VPS26B: variants seen among roughly 807,000 people sequenced by gnomAD.
VPS26B encodes the protein VPS26 retromer complex component B.
A neutral mutation model predicts 33.3 loss-of-function variants in VPS26B; 10 were observed. The ratio of observed to expected loss-of-function variants is 0.30; its 90% CI spans 0.19 to 0.51. VPS26B has a LOEUF of 0.51. Ranked by LOEUF, VPS26B falls within the 20% of genes least tolerant of loss-of-function variation. VPS26B has a pLI of 0.98. For synonymous variants in VPS26B, 190 were observed against 176.9 expected (o/e 1.07, Z -0.59); for missense variants, 317 against 452.7 (o/e 0.70, Z 2.72).
chr11:134,241,660 C>T (rs1283693880), intron 3 of VPS26B, among the ~76,000 whole-genome samples: 1 of 152,226 alleles, frequency 6.6e-6, no homozygotes, highest in African/African-American at 2.4e-5. Flanking sequence ...TCAAAGCAGC[C>T]ACTGGTCATC....
chr11:134,231,881 C>G (rs954496805), intron 1 of VPS26B, among the ~76,000 whole-genome samples: 13 of 152,184 alleles, frequency 8.5e-5, no homozygotes, highest in Non-Finnish European at 1.8e-4. Context: ...TCTTTTTATG[C>G]TTTGCTGACT....
intron 2 of VPS26B, among the ~76,000 whole-genome samples, chr11:134,237,396 A>G (rs1384423886): frequency 6.6e-6 from 1 of 152,236 alleles, no homozygotes; most frequent in Non-Finnish European, 1.5e-5. Context: ...GAGGGCTATC[A>G]GGAGGAAGAA....
Position 134,245,130 on chromosome 11 carries a change from G to C in VPS26B, c.864+50G>C. The C allele has an allele frequency of 6.3e-7, 1 of 1,595,300 alleles. No individual in the cohort carries two copies. The highest frequency in any genetic ancestry group is 8.5e-7 in the Non-Finnish European group (1 of 1,172,502). ...CCGATGCCCTTGGGACAGAACAGGA[G>C]GCTCTCTTTCCTATGGAAGGTCAGA... is the stretch of plus-strand genomic sequence containing the variant. On this transcript the variant is annotated intron_variant, in intron 5 of 5. Transcript: ENST00000281187. This position sits in a 1 kb window ranked among gnomAD's most constrained non-coding sequence, Gnocchi z 4.7.
Position 134,243,217 on chromosome 11 carries a change from C to A in VPS26B, c.644C>A (p.Thr215Lys), listed in dbSNP as rs772426075. 6.2e-7 allele frequency: 1 copy of A among 1,614,044 alleles called. No homozygotes were observed. The highest frequency in any genetic ancestry group is 8.5e-7 in the Non-Finnish European group (1 of 1,180,026). The change falls in exon 4 of 6, where the codon ACG (threonine) becomes AAG (lysine). Residue 215 changes from threonine (T) to lysine (K), a missense_variant. Physicochemically the swap from Thr to Lys is moderately conservative, Grantham distance 78. Coordinates refer to ENST00000281187, the MANE Select transcript of VPS26B (RefSeq NM_052875.5). Reference protein sequence around the residue: ...MEIDIIKRETTGTGPNVYHEN... With the variant: ...MEIDIIKRETKGTGPNVYHEN... Reference sequence around the variant, plus strand: ...ATAGACATCATCAAGCGAGAAACGACGGGTACAGGCCCCAACGTGTACCAT... The same window carrying A: ...ATAGACATCATCAAGCGAGAAACGAAGGGTACAGGCCCCAACGTGTACCAT...
rs1938789476 is a variant in VPS26B at position 134,245,093 on chromosome 11, C to A, written c.864+13C>A. 4.3e-6 allele frequency: 7 copies of A among 1,613,554 alleles called. No individual in the cohort carries two copies. The highest frequency in any genetic ancestry group is 5.9e-6 in the Non-Finnish European group (7 of 1,179,838). ...CTTCAAGCAGCAGGTGAGGGCCAGGCTCCTCCAGGCCCCGATGCCCTTGGG... is the reference window on the plus strand; with the variant it reads ...CTTCAAGCAGCAGGTGAGGGCCAGGATCCTCCAGGCCCCGATGCCCTTGGG... On this transcript the variant is annotated intron_variant, in intron 5 of 5. Coordinates refer to ENST00000281187, the MANE Select transcript of VPS26B (RefSeq NM_052875.5). This position sits in a 1 kb window ranked among gnomAD's most constrained non-coding sequence, Gnocchi z 4.7.
chr11:134,245,481 A>C lies in VPS26B; in HGVS notation c.902A>C (p.Lys301Thr). The C allele has an allele frequency of 6.2e-7, 1 of 1,614,014 alleles. No homozygotes were observed. Among genetic ancestry groups the C allele is most frequent in the Non-Finnish European group, 8.5e-7 (1 of 1,179,908 alleles). Residue 301 changes from lysine (K) to threonine (T), a missense_variant, in exon 6 of 6, where the codon AAG becomes ACG. Coordinates refer to ENST00000281187, the MANE Select transcript of VPS26B (RefSeq NM_052875.5). The surrounding 1 kb of genome is among the most constrained non-coding windows in gnomAD (Gnocchi z 4.7). ...VLWRKGDIVRKSMSHQAAIAS... is the reference protein window; with the variant it reads ...VLWRKGDIVRTSMSHQAAIAS... ...TGGCGGAAGGGTGACATCGTACGGAAGAGCATGTCCCACCAGGCGGCCATC... is the reference window on the plus strand; with the variant it reads ...TGGCGGAAGGGTGACATCGTACGGACGAGCATGTCCCACCAGGCGGCCATC...
rs955771997 is a variant in VPS26B at position 134,246,632 on chromosome 11, G to A, written c.*1042G>A. On this transcript the variant is annotated 3_prime_UTR_variant, in exon 6 of 6. Transcript: ENST00000281187. The stretch of plus-strand genomic sequence containing the variant: ...CTATAGGTTACACAGGGGAGACCAG[G>A]GCCTCGGCAGAAGACTGCTGCCACA... The A allele has an allele frequency of 6.6e-6, 1 of 152,292 alleles. No individual in the cohort carries two copies. The highest frequency in any genetic ancestry group is 2.4e-5 in the African/African-American group (1 of 41,312). 9.4% of individuals were successfully genotyped at this position (152,292 alleles called of 1,614,324 possible). A position where few individuals can be genotyped will look rare whatever the true frequency, so the allele number is the denominator to read the frequency against.
At chr11:134,239,632 A>G in intron 2 of VPS26B, 1 of 268,508 alleles carries the variant, frequency 3.7e-6, no homozygotes. Context: ...GTACACAAAT[A>G]CATGGTCAGT....
In VPS26B at chr11:134,245,657, G is replaced by A; in HGVS notation, c.*67G>A. On this transcript the variant is annotated 3_prime_UTR_variant, in exon 6 of 6. Coordinates refer to ENST00000281187, the MANE Select transcript of VPS26B (RefSeq NM_052875.5). This position sits in a 1 kb window ranked among gnomAD's most constrained non-coding sequence, Gnocchi z 4.7. ...CCCATCTACCAACACCAGCGGCTGG[G>A]GGCGGGGGCGGACCTTGTGAGGCTC... The A allele has an allele frequency of 6.6e-7, 1 of 1,513,508 alleles. No individual in the cohort carries two copies. Among genetic ancestry groups the A allele is most frequent in the Non-Finnish European group, 8.9e-7 (1 of 1,129,174 alleles). The allele number at this position is 1,513,508 out of a possible 1,614,324, so 93.8% of individuals were successfully genotyped here.
intron 1 of VPS26B, among the ~76,000 whole-genome samples, chr11:134,230,808 G>T (rs548672698): frequency 6.6e-6 from 1 of 152,210 alleles, no homozygotes; most frequent in East Asian, 1.9e-4. Flanking sequence ...TGTGGTGGAC[G>T]TTTTTCTGTT....
rs146620670 is a variant in VPS26B at position 134,245,025 on chromosome 11, A to C, written c.809A>C (p.Tyr270Ser). The stretch of plus-strand genomic sequence containing the variant: ...ATCAACAAGAAGTTCTCTGTGCGCT[A>C]TTACCTCAACCTGGTGCTGATAGAC... ...RDINKKFSVR[Y>S]YLNLVLIDEE... The change falls in exon 5 of 6, where the codon TAT becomes TCT. Residue 270 changes from tyrosine to serine, a missense_variant. By Grantham distance (144) the Tyr-to-Ser change is moderately radical (BLOSUM62 -2). Coordinates refer to ENST00000281187, the MANE Select transcript of VPS26B (RefSeq NM_052875.5). This position sits in a 1 kb window ranked among gnomAD's most constrained non-coding sequence, Gnocchi z 4.7. 1.9e-6 allele frequency: 3 copies of C among 1,614,140 alleles called. No individual in the cohort carries two copies. The highest frequency in any genetic ancestry group is 2.5e-6 in the Non-Finnish European group (3 of 1,180,030).
intron 1 of VPS26B, among the ~76,000 whole-genome samples, chr11:134,228,035 AT>A (rs1305382661): frequency 6.6e-6 from 1 of 152,246 alleles, no homozygotes; most frequent in Non-Finnish European, 1.5e-5. Flanking sequence ...GCTGAAGTAT[AT>A]TGTTCACGCT....
In VPS26B at chr11:134,245,425, C is replaced by T. The variant is rs1410495282; in HGVS notation, c.865-19C>T. The T allele has an allele frequency of 6.2e-7, 1 of 1,613,798 alleles. No homozygotes were observed. The highest frequency in any genetic ancestry group is 8.5e-7 in the Non-Finnish European group (1 of 1,179,760). ...GCCTCCCTCTAAGGTGTCACATTGC[C>T]CCCCTTTCAATTCTGCAGGAAGTGG... On this transcript the variant is annotated intron_variant, in intron 5 of 5. Coordinates refer to ENST00000281187, the MANE Select transcript of VPS26B (RefSeq NM_052875.5). The surrounding 1 kb of genome is among the most constrained non-coding windows in gnomAD (Gnocchi z 4.7).
Position 134,247,053 on chromosome 11 carries a change from G to C in VPS26B, c.*1463G>C, listed in dbSNP as rs1591489051. 2.6e-5 allele frequency: 4 copies of C among 152,160 alleles called. No homozygotes were observed. The South Asian group carries it at 8.3e-4, about 32-fold the overall frequency. 9.4% of individuals were successfully genotyped at this position (152,160 alleles called of 1,614,324 possible). A position where few individuals can be genotyped will look rare whatever the true frequency, so the allele number is the denominator to read the frequency against. On this transcript the variant is annotated 3_prime_UTR_variant, in exon 6 of 6. Transcript: ENST00000281187. ...GAAAGGAAGACTTCTGTTTTCCTGA[G>C]ATCAGTGCAGTCTCAGGCCTTTGGC...
At chr11:134,225,746 T>C (rs566114962) in intron 1 of VPS26B, among the ~76,000 whole-genome samples, 1 of 152,294 alleles carries the variant, frequency 6.6e-6, no homozygotes, top group South Asian at 2.1e-4. Flanking sequence ...CAATACTGGC[T>C]TTCCCATCGC....
chr11:134,245,333 G>C lies in VPS26B; in HGVS notation c.865-111G>C. ...AGCTGCTGCCTTTGGTGAGAGAGAA[G>C]CAGAGGAGGTCCTTGCCCGAGATTC... On this transcript the variant is annotated intron_variant, in intron 5 of 5. Coordinates refer to ENST00000281187, the MANE Select transcript of VPS26B (RefSeq NM_052875.5). The surrounding 1 kb of genome is among the most constrained non-coding windows in gnomAD (Gnocchi z 4.7). 2.0e-6 allele frequency: 3 copies of C among 1,487,316 alleles called. No homozygotes were observed. The highest frequency in any genetic ancestry group is 1.8e-6 in the Non-Finnish European group (2 of 1,094,392). The allele number at this position is 1,487,316 out of a possible 1,614,324, so 92.1% of individuals were successfully genotyped here.
Position 134,242,488 on chromosome 11 carries a change from C to T in VPS26B, c.546-631C>T, listed in dbSNP as rs555606806. On this transcript the variant is annotated intron_variant, in intron 3 of 5. Coordinates refer to ENST00000281187, the MANE Select transcript of VPS26B (RefSeq NM_052875.5). Reference sequence around the variant, plus strand: ...TTTACTCGTTCTCTCATGCCTGATACGGGCTGTGCACATGTAGACTATTGA... The same window carrying T: ...TTTACTCGTTCTCTCATGCCTGATATGGGCTGTGCACATGTAGACTATTGA... Among the ~76,000 whole-genome samples, 10 of 152,330 alleles carry T rather than the reference C, an allele frequency of 6.6e-5. No homozygotes were observed. The South Asian group carries it at 1.2e-3, about 19-fold the overall frequency.
At chr11:134,232,167 G>A (rs890186215) in intron 1 of VPS26B, among the ~76,000 whole-genome samples, 6 of 147,880 alleles carry the variant, frequency 4.1e-5, no homozygotes, top group African/African-American at 7.4e-5. Flanking sequence ...AGCCTGACAC[G>A]TCTGGTCCCT....
At chr11:134,238,651 A>G (rs1268991544) in intron 2 of VPS26B, among the ~76,000 whole-genome samples, 1 of 152,150 alleles carries the variant, frequency 6.6e-6, no homozygotes, top group Non-Finnish European at 1.5e-5. Context: ...GCTGGAGTGC[A>G]GTGGCTTGAT....
Sources: gnomAD v4.1 joint callset for allele counts (sites outside exome capture counted in the v4.1 genomes callset) on GRCh38, gnomAD v4.1.1 for gene constraint, Gnocchi (gnomAD v3.1) non-coding constraint, MANE v1.5 for transcripts, NCBI Gene and HGNC (gene_info 2026-07-23, HGNC 2026-07-21) for gene names.